Variants in RAB3GAP1 observed in about 807,000 individuals in gnomAD.
RAB3GAP1 encodes the protein RAB3 GTPase activating protein catalytic subunit 1, also known as rab3 GTPase-activating protein catalytic subunit.
Under a neutral mutation model 130.7 loss-of-function variants are expected in RAB3GAP1, and 86 were observed. The observed-to-expected ratio is 0.66, with a 90% CI of 0.55 to 0.79. The LOEUF is 0.79. Ranked by LOEUF, RAB3GAP1 falls within the 30% of genes least tolerant of loss-of-function variation. The pLI is 0.00. For missense variants in RAB3GAP1, 1,029 were observed against 1,169.4 expected (o/e 0.88, Z 1.75); for synonymous variants, 367 against 401.7 (o/e 0.91, Z 1.03).
Position 135,087,282 on chromosome 2 carries a change from C to A in RAB3GAP1, c.151-3716C>A, listed in dbSNP as rs59924703. On this transcript the variant is annotated intron_variant, in intron 3 of 23. Transcript: ENST00000264158. The stretch of plus-strand genomic sequence containing the variant: ...ATTGATCTGTTTGTCTGTCTTTATG[C>A]CTATACTATACTGTCTTAATTATTG... Among the ~76,000 whole-genome samples, 1,001 of 152,280 alleles carry A rather than the reference C, an allele frequency of 6.6e-3. 46 individuals carry two copies. The East Asian group carries it at 0.1, about 16-fold the overall frequency.
rs989439411 is a variant in RAB3GAP1, at chr2:135,124,668, AAAAG to A, written c.830+432_830+435del. 5.9e-5 allele frequency among the ~76,000 whole-genome samples: 9 copies of A among 151,700 alleles called. No homozygotes were observed. The South Asian group carries it at 6.3e-4, about 11-fold the overall frequency. ...CAACAGAGCAAGACTCCGTCTCAAAAAAAGAAAGAAAGACCTACACTTGCTTTAT... is the reference window on the plus strand; with the variant it reads ...CAACAGAGCAAGACTCCGTCTCAAAAAAAGAAAGACCTACACTTGCTTTAT... On this transcript the variant is annotated intron_variant, in intron 9 of 23. Coordinates refer to ENST00000264158, the MANE Select transcript of RAB3GAP1 (RefSeq NM_012233.3).
chr2:135,155,775 A>G (rs1692294182), intron 19 of RAB3GAP1, among the ~76,000 whole-genome samples: 1 of 152,146 alleles, frequency 6.6e-6, no homozygotes, highest in South Asian at 2.1e-4. Context: ...ATGAAAATAA[A>G]TGAATTAAAT....
chr2:135,117,534 T>TCTGCTTCTTCTG (rs1691026578), intron 7 of RAB3GAP1, among the ~76,000 whole-genome samples: 2 of 70,138 alleles, frequency 2.9e-5, no homozygotes, highest in South Asian at 4.8e-4. Context: ...TTCTTCTGCT[T>TCTGCTTCTTCTG]CTTCTTCTGC....
intron 2 of RAB3GAP1, 112 bp downstream of exon 2, chr2:135,052,597 A>G (rs1688911495): frequency 7.8e-7 from 1 of 1,279,760 alleles, no homozygotes; most frequent in East Asian, 2.4e-5. Context: ...GAACGGTAAT[A>G]CCGTGGGTCC....
intron 2 of RAB3GAP1, among the ~76,000 whole-genome samples, chr2:135,057,392 T>C (rs1334223778): frequency 6.6e-6 from 1 of 152,180 alleles, no homozygotes; most frequent in Non-Finnish European, 1.5e-5. Flanking sequence ...ATGATTGGTT[T>C]CATAATTTTA....
At chr2:135,144,463 A>G (rs1280173506) in intron 17 of RAB3GAP1, among the ~76,000 whole-genome samples, 1 of 152,184 alleles carries the variant, frequency 6.6e-6, no homozygotes, top group East Asian at 1.9e-4. Flanking sequence ...CAATGTATAA[A>G]ACCAAGTAGG....
intron 19 of RAB3GAP1, among the ~76,000 whole-genome samples, chr2:135,157,460 A>G (rs1692342541): frequency 6.6e-6 from 1 of 152,196 alleles, no homozygotes; most frequent in African/African-American, 2.4e-5. Flanking sequence ...GAGGATGGAA[A>G]ATCTAATCCA....
chr2:135,105,812 G>C (rs1690587544), intron 5 of RAB3GAP1, among the ~76,000 whole-genome samples: 1 of 148,860 alleles, frequency 6.7e-6, no homozygotes, highest in Admixed American at 6.6e-5. Flanking sequence ...GCCGCCCATC[G>C]TCTGAGATGT....
intron 3 of RAB3GAP1, among the ~76,000 whole-genome samples, chr2:135,077,479 G>A (rs146291085): frequency 6.6e-6 from 1 of 151,962 alleles, no homozygotes; most frequent in African/African-American, 2.4e-5. Flanking sequence ...ATTACTTGAG[G>A]CCAGGAGTTT....
At chr2:135,124,051 C>A (rs1291253448) in intron 8 of RAB3GAP1, 114 bp from the exon 9 acceptor site, 3 of 986,964 alleles carry the variant, frequency 3.0e-6, no homozygotes, top group Non-Finnish European at 4.7e-6. Flanking sequence ...TGCTAACTTG[C>A]TACATGTGTT....
At chr2:135,124,542 G>A (rs1364582496) in intron 9 of RAB3GAP1, among the ~76,000 whole-genome samples, 3 of 152,216 alleles carry the variant, frequency 2.0e-5, no homozygotes, top group African/African-American at 7.2e-5. Flanking sequence ...GCGCACACCT[G>A]TAATCCCAGC....
At chr2:135,171,367 G>A (rs1223881194), downstream of RAB3GAP1, among the ~76,000 whole-genome samples, 1 of 152,148 alleles carries the variant, frequency 6.6e-6, no homozygotes, top group Non-Finnish European at 1.5e-5. Flanking sequence ...CCACACTCTG[G>A]CAGGAGAGGA....
chr2:135,099,128 C>G (rs1690381460), intron 5 of RAB3GAP1, among the ~76,000 whole-genome samples: 1 of 151,898 alleles, frequency 6.6e-6, no homozygotes. Context: ...AGGGGGACAG[C>G]ATTTAGTCTT....
chr2:135,081,327 A>AAAAAAAAAAT (rs1363481112), intron 3 of RAB3GAP1, among the ~76,000 whole-genome samples: 4 of 64,048 alleles, frequency 6.2e-5, no homozygotes, highest in East Asian at 1.1e-3. Flanking sequence ...AAAAAAAAAA[A>AAAAAAAAAAT]ATATATATAT....
At position 135,058,074 on chromosome 2, in the gene RAB3GAP1, G is replaced by T. The variant is rs1017060791; in HGVS notation, c.138G>T (p.Lys46Asn). ...DWKLIGNSLG[K>N]PLEKGIFTSG... The stretch of plus-strand genomic sequence containing the variant: ...AACTGATTGGAAACTCTTTGGGAAA[G>T]CCACTCGAAAAGGTCAGATCTATTT... The change falls in exon 3 of 24, where the codon AAG becomes AAT. Residue 46 changes from lysine to asparagine, a missense_variant. Physicochemically the swap from Lys to Asn is moderately conservative, Grantham distance 94. Around this residue, in one of 3 missense-constraint regions of RAB3GAP1, gnomAD observed 510 missense variants for 532.1 expected, o/e 0.96. Coordinates refer to ENST00000264158, the MANE Select transcript of RAB3GAP1 (RefSeq NM_012233.3). 7 of 1,611,506 alleles carry T rather than the reference G, an allele frequency of 4.3e-6. No homozygotes were observed. Among genetic ancestry groups the T allele is most frequent in the Non-Finnish European group, 5.1e-6 (6 of 1,177,910 alleles).
At chr2:135,101,601 G>A (rs529283690) in intron 5 of RAB3GAP1, among the ~76,000 whole-genome samples, 4 of 152,210 alleles carry the variant, frequency 2.6e-5, no homozygotes, top group Non-Finnish European at 5.9e-5. Flanking sequence ...TCTCGTTTCA[G>A]TTTTCATATC....
At chr2:135,093,842 A>G in intron 5 of RAB3GAP1, 149 bp downstream of exon 5, 1 of 732,112 alleles carries the variant, frequency 1.4e-6, no homozygotes, top group South Asian at 1.5e-5. Flanking sequence ...TACAGGGCAA[A>G]ATCTGCAAAG....
intron 14 of RAB3GAP1, among the ~76,000 whole-genome samples, chr2:135,133,308 A>G (rs1415997493): frequency 4.6e-5 from 7 of 152,144 alleles, no homozygotes; most frequent in Admixed American, 3.9e-4. Context: ...TAGTTAGTGA[A>G]TGGACAACTC....
chr2:135,162,621 C>G lies in RAB3GAP1; in HGVS notation c.2356C>G (p.His786Asp). 6.2e-7 allele frequency: 1 copy of G among 1,614,138 alleles called. No homozygotes were observed. Among genetic ancestry groups the G allele is most frequent in the Non-Finnish European group, 8.5e-7 (1 of 1,179,998 alleles). Residue 786 changes from histidine to aspartate, a missense_variant, in exon 20 of 24, where the codon CAT (histidine) becomes GAT (aspartate). Around this residue, in one of 3 missense-constraint regions of RAB3GAP1, gnomAD observed 373 missense variants for 493.6 expected, o/e 0.76. Transcript: ENST00000264158. ...TCGGCACCTGTTACCTTGTGTGATTCATGCAGCTGTACTCAAGGTAAAGGA... is the reference window on the plus strand; with the variant it reads ...TCGGCACCTGTTACCTTGTGTGATTGATGCAGCTGTACTCAAGGTAAAGGA... ...LARHLLPCVI[H>D]AAVLKVKEEE...
Sources: gnomAD v4.1 joint callset for allele counts (sites outside exome capture counted in the v4.1 genomes callset) on GRCh38, gnomAD v4.1.1 for gene constraint, gnomAD v4.1.1 regional missense constraint, MANE v1.5 for transcripts, NCBI Gene and HGNC (gene_info 2026-07-23, HGNC 2026-07-21) for gene names.